Variants in NKAIN2 observed in about 807,000 individuals in gnomAD.
NKAIN2 encodes the protein sodium/potassium transporting ATPase interacting 2, also known as sodium/potassium-transporting ATPase subunit beta-1-interacting protein 2.
A neutral mutation model predicts 32.6 loss-of-function variants in NKAIN2; 14 were observed. The observed-to-expected ratio is 0.43, with a 90% CI of 0.28 to 0.67. NKAIN2 has a LOEUF of 0.67. Among genes scored for constraint, NKAIN2 ranks in the 30% least tolerant of loss-of-function variants. The pLI is 0.17. For missense variants in NKAIN2, 198 were observed against 258.3 expected (o/e 0.77, Z 1.60); for synonymous variants, 80 against 87.2 (o/e 0.92, Z 0.46).
chr6:123,841,198 T>C (rs747036073), intron 1 of NKAIN2, among the ~76,000 whole-genome samples: 42 of 152,178 alleles, frequency 2.8e-4, no homozygotes, highest in Non-Finnish European at 5.4e-4. Flanking sequence ...TCTTCTTTTT[T>C]CTTTTGCACC....
At chr6:124,163,037 T>C (rs1391571500) in intron 1 of NKAIN2, among the ~76,000 whole-genome samples, 9 of 152,088 alleles carry the variant, frequency 5.9e-5, no homozygotes, top group Non-Finnish European at 8.8e-5. Context: ...TCCAGAAAAG[T>C]TTATCATATT....
At chr6:123,899,601 A>G (rs533184167) in intron 1 of NKAIN2, among the ~76,000 whole-genome samples, 2 of 152,320 alleles carry the variant, frequency 1.3e-5, no homozygotes, top group South Asian at 4.1e-4. Flanking sequence ...GGTAAATGGA[A>G]GGAAAAACAC....
At position 124,426,295 on chromosome 6, in the gene NKAIN2, A is replaced by G. The variant is rs537765108; in HGVS notation, c.273+70948A>G. On this transcript the variant is annotated intron_variant, in intron 3 of 6. Coordinates refer to ENST00000368417, the MANE Select transcript of NKAIN2 (RefSeq NM_001040214.3). The stretch of plus-strand genomic sequence containing the variant: ...AATGAGGAAAACATTTTTTGATAAG[A>G]CACTAAAAACATGATCCACACTTAA... Among the ~76,000 whole-genome samples, 3 of 152,256 alleles carry G rather than the reference A, an allele frequency of 2.0e-5. No homozygotes were observed. The East Asian group carries it at 5.8e-4, about 29-fold the overall frequency.
At chr6:124,070,566 T>A (rs779411666) in intron 1 of NKAIN2, among the ~76,000 whole-genome samples, 9 of 152,048 alleles carry the variant, frequency 5.9e-5, no homozygotes, top group Non-Finnish European at 8.8e-5. Flanking sequence ...AGTCTTGGAG[T>A]GGATTAGACT....
At chr6:124,389,749 GT>G (rs1773065973) in intron 3 of NKAIN2, among the ~76,000 whole-genome samples, 1 of 146,842 alleles carries the variant, frequency 6.8e-6, no homozygotes, top group Non-Finnish European at 1.5e-5. Flanking sequence ...GTGTGTGTGT[GT>G]GGGTTTGAAT....
chr6:124,480,940 A>T (rs1777420650), intron 3 of NKAIN2, among the ~76,000 whole-genome samples: 1 of 152,098 alleles, frequency 6.6e-6, no homozygotes, highest in Non-Finnish European at 1.5e-5. Flanking sequence ...TATACAACCC[A>T]AAAATGAATT....
chr6:124,810,356 C>A (rs1418143488), intron 5 of NKAIN2, among the ~76,000 whole-genome samples: 1 of 151,950 alleles, frequency 6.6e-6, no homozygotes, highest in African/African-American at 2.4e-5. Flanking sequence ...AATTGGAAAT[C>A]ATCATTCTCA....
intron 1 of NKAIN2, among the ~76,000 whole-genome samples, chr6:124,045,854 T>G (rs948820643): frequency 1.4e-4 from 22 of 152,052 alleles, no homozygotes; most frequent in Admixed American, 1.4e-3. Context: ...TAATAATCTT[T>G]TCATACATTA....
At chr6:123,942,426 T>C (rs115350068) in intron 1 of NKAIN2, among the ~76,000 whole-genome samples, 191 of 152,146 alleles carry the variant, frequency 1.3e-3, no homozygotes, top group African/African-American at 4.4e-3. Context: ...TTTAAAAAAT[T>C]GTCCCTGGAG....
chr6:124,820,896 T>C (rs988938802), intron 6 of NKAIN2, among the ~76,000 whole-genome samples: 3 of 152,134 alleles, frequency 2.0e-5, no homozygotes, highest in Non-Finnish European at 4.4e-5. Context: ...CCCTGGTCTA[T>C]GGGAAAATTG....
rs1773104651 is a variant in NKAIN2, at chr6:123,804,039, C to T, written c.-162C>T. 5.5e-6 allele frequency: 4 copies of T among 733,630 alleles called. No individual in the cohort carries two copies. The highest frequency in any genetic ancestry group is 4.9e-5 in the East Asian group (2 of 40,456). 45.4% of individuals were successfully genotyped at this position (733,630 alleles called of 1,614,324 possible). A position where few individuals can be genotyped will look rare whatever the true frequency, so the allele number is the denominator to read the frequency against. ...GCCGCCGCCGCCGCGCCAGCAGGTC[C>T]TAATGCCTGTCACTTCCCAGGACGC... On this transcript the variant is annotated 5_prime_UTR_variant, in exon 1 of 7. Coordinates refer to ENST00000368417, the MANE Select transcript of NKAIN2 (RefSeq NM_001040214.3).
chr6:124,357,506 T>C (rs1562511209), intron 3 of NKAIN2, among the ~76,000 whole-genome samples: 1 of 152,042 alleles, frequency 6.6e-6, no homozygotes, highest in Non-Finnish European at 1.5e-5. Flanking sequence ...ATGTAAACCA[T>C]TGTTTTTCTC....
intron 1 of NKAIN2, among the ~76,000 whole-genome samples, chr6:123,922,635 T>C (rs927893861): frequency 1.3e-5 from 2 of 152,174 alleles, no homozygotes; most frequent in African/African-American, 4.8e-5. Context: ...AGTTATAAAA[T>C]ATAGTGTCTG....
At chr6:124,147,671 C>G (rs1787484756) in intron 1 of NKAIN2, among the ~76,000 whole-genome samples, 1 of 152,030 alleles carries the variant, frequency 6.6e-6, no homozygotes, top group Non-Finnish European at 1.5e-5. Flanking sequence ...AAAATGCTAT[C>G]AAAGTGACTT....
intron 2 of NKAIN2, among the ~76,000 whole-genome samples, chr6:124,348,596 C>G (rs922699550): frequency 7.9e-5 from 12 of 152,210 alleles, no homozygotes; most frequent in African/African-American, 2.9e-4. Context: ...GACTGCTGTG[C>G]TAGCAATCAG....
At chr6:124,305,969 T>C (rs1851780) in intron 2 of NKAIN2, among the ~76,000 whole-genome samples, 60,914 of 151,864 alleles carry the variant, frequency 0.4, 17,293 homozygotes, top group African/African-American at 0.8. Context: ...ATATTTAATT[T>C]CTCCCAATTG....
intron 2 of NKAIN2, among the ~76,000 whole-genome samples, chr6:124,346,931 A>G (rs376437919): frequency 6.6e-6 from 1 of 152,260 alleles, no homozygotes; most frequent in East Asian, 1.9e-4. Flanking sequence ...TCCTAGTCTC[A>G]ATGGTCTTTA....
At chr6:123,907,672 G>T (rs531675980) in intron 1 of NKAIN2, among the ~76,000 whole-genome samples, 1 of 152,210 alleles carries the variant, frequency 6.6e-6, no homozygotes, top group East Asian at 1.9e-4. Flanking sequence ...TTTCATTAAT[G>T]ATAGCCTCTC....
At chr6:124,430,669 CAA>C (rs34585136) in intron 3 of NKAIN2, among the ~76,000 whole-genome samples, 4,449 of 146,086 alleles carry the variant, frequency 0.03, 156 homozygotes, top group African/African-American at 0.087. Flanking sequence ...ATGTATATTT[CAA>C]AAAAAAAAAA....
Sources: allele counts gnomAD v4.1 joint callset (sites outside exome capture counted in the v4.1 genomes callset), GRCh38; gene constraint gnomAD v4.1.1; transcripts MANE v1.5; gene names NCBI Gene and HGNC (gene_info 2026-07-23, HGNC 2026-07-21).